PCOLCE2: variants seen among roughly 807,000 people sequenced by gnomAD.
The protein encoded by PCOLCE2 is procollagen C-endopeptidase enhancer 2.
A neutral mutation model predicts 47.0 loss-of-function variants in PCOLCE2; 42 were observed. That is an observed-to-expected ratio of 0.89 (90% CI 0.70 to 1.16). PCOLCE2 has a LOEUF of 1.16. Among genes scored for constraint, PCOLCE2 ranks in the 50% most tolerant of loss-of-function variants. The pLI is 0.00. For missense variants in PCOLCE2, 500 were observed against 526.1 expected (o/e 0.95, Z 0.49); for synonymous variants, 169 against 191.7 (o/e 0.88, Z 0.98).
At chr3:142,860,295 C>T (rs190212826) in intron 2 of PCOLCE2, among the ~76,000 whole-genome samples, 12 of 152,260 alleles carry the variant, frequency 7.9e-5, no homozygotes, top group Admixed American at 5.9e-4. Flanking sequence ...GTTATTCCCC[C>T]TATTCCTCTG....
chr3:142,836,536 C>T (rs1460690637), intron 5 of PCOLCE2, among the ~76,000 whole-genome samples: 2 of 152,164 alleles, frequency 1.3e-5, no homozygotes, highest in African/African-American at 2.4e-5. Flanking sequence ...CTCAGCGATG[C>T]TTTCAAAATT....
intron 3 of PCOLCE2, chr3:142,846,514 G>C (rs1937330053): frequency 6.6e-6 from 1 of 152,190 alleles, no homozygotes; most frequent in South Asian, 2.1e-4. Flanking sequence ...TTGACTCTGT[G>C]AGTTGATATT....
At chr3:142,829,874 T>A in intron 5 of PCOLCE2, 28 bp from the exon 6 acceptor site, 3 of 1,387,840 alleles carry the variant, frequency 2.2e-6, no homozygotes, top group Non-Finnish European at 3.0e-6. Context: ...TGTTTTTTTA[T>A]AAATACTTAA....
chr3:142,845,721 C>T (rs1292940182), intron 3 of PCOLCE2, among the ~76,000 whole-genome samples: 1 of 152,158 alleles, frequency 6.6e-6, no homozygotes, highest in Non-Finnish European at 1.5e-5. Flanking sequence ...CACCTGTAAT[C>T]CTAACACTTT....
intron 2 of PCOLCE2, among the ~76,000 whole-genome samples, chr3:142,863,096 C>CAAAA (rs35383176): frequency 1.9e-4 from 16 of 85,968 alleles, no homozygotes; most frequent in South Asian, 9.0e-4. Flanking sequence ...GTCTGGCAGG[C>CAAAA]AAAAAAAAAA....
intron 2 of PCOLCE2, 180 bp downstream of exon 2, chr3:142,887,489 G>A (rs183450285): frequency 4.2e-4 from 235 of 562,934 alleles, no homozygotes; most frequent in African/African-American, 4.0e-3. Flanking sequence ...CACTAATGCA[G>A]GACACGACTA....
chr3:142,828,593 T>C, intron 6 of PCOLCE2, among the ~76,000 whole-genome samples: 1 of 152,094 alleles, frequency 6.6e-6, no homozygotes, highest in East Asian at 1.9e-4. Context: ...TGGACGTGCT[T>C]GGGAAAATAG....
At chr3:142,850,797 A>G (rs2108198678) in intron 2 of PCOLCE2, among the ~76,000 whole-genome samples, 1 of 104,176 alleles carries the variant, frequency 9.6e-6, no homozygotes, top group South Asian at 2.6e-4. Context: ...AGATGAACAG[A>G]ATAATATGGG....
chr3:142,843,957 GAAT>G (rs746386651), intron 3 of PCOLCE2, among the ~76,000 whole-genome samples: 12 of 151,992 alleles, frequency 7.9e-5, no homozygotes, highest in Non-Finnish European at 1.5e-4. Context: ...AAAGTAAGTA[GAAT>G]AATATAATGA....
At chr3:142,875,327 G>A (rs565956815) in intron 2 of PCOLCE2, among the ~76,000 whole-genome samples, 3 of 152,262 alleles carry the variant, frequency 2.0e-5, no homozygotes, top group Non-Finnish European at 4.4e-5. Context: ...AACTCCAGGC[G>A]ACATCTACAT....
chr3:142,855,008 C>G (rs1232702313), intron 2 of PCOLCE2, among the ~76,000 whole-genome samples: 2 of 152,218 alleles, frequency 1.3e-5, no homozygotes, highest in Non-Finnish European at 2.9e-5. Flanking sequence ...GTTCAAGGAG[C>G]CCTCCGAGCT....
At chr3:142,835,774 T>G (rs1161510943) in intron 5 of PCOLCE2, among the ~76,000 whole-genome samples, 1 of 152,124 alleles carries the variant, frequency 6.6e-6, no homozygotes, top group Admixed American at 6.6e-5. Flanking sequence ...CCTGAGTAGC[T>G]GGGACTACAG....
At chr3:142,832,256 T>C (rs10513171) in intron 5 of PCOLCE2, among the ~76,000 whole-genome samples, 4,101 of 152,246 alleles carry the variant, frequency 0.027, 86 homozygotes, top group Non-Finnish European at 0.041. Context: ...TGCAACAGTC[T>C]CTGAACTAGG....
chr3:142,856,891 G>A lies in PCOLCE2; in HGVS notation c.193-8419C>T, dbSNP rs1332281050. Among the ~76,000 whole-genome samples, 6 of 145,966 alleles carry A rather than the reference G, an allele frequency of 4.1e-5. No homozygotes were observed. In the East Asian group the frequency reaches 9.9e-4, roughly 24 times the overall value. ...CTACTCAGTTTTTCTCTAAACAGGA[G>A]CTTTTTTTTTTTTTTTTAGCCATTT... On this transcript the variant is annotated intron_variant, in intron 2 of 8. Coordinates refer to ENST00000295992, the MANE Select transcript of PCOLCE2 (RefSeq NM_013363.4).
intron 2 of PCOLCE2, chr3:142,863,977 T>C (rs1933231240): frequency 6.6e-6 from 1 of 151,570 alleles, no homozygotes; most frequent in Non-Finnish European, 1.5e-5. Flanking sequence ...AATTAAATGT[T>C]CTGTGACGAC....
At chr3:142,852,076 C>T (rs1932950718) in intron 2 of PCOLCE2, among the ~76,000 whole-genome samples, 1 of 152,362 alleles carries the variant, frequency 6.6e-6, no homozygotes, top group South Asian at 2.1e-4. Context: ...GACAAAGCTT[C>T]TTTTGAAAGA....
At chr3:142,885,315 G>T (rs1933699568) in intron 2 of PCOLCE2, among the ~76,000 whole-genome samples, 1 of 152,184 alleles carries the variant, frequency 6.6e-6, no homozygotes, top group African/African-American at 2.4e-5. Context: ...CCAGCTACAG[G>T]AACTACAGTT....
At chr3:142,839,184 A>G (rs185606708) in intron 4 of PCOLCE2, among the ~76,000 whole-genome samples, 14 of 152,354 alleles carry the variant, frequency 9.2e-5, no homozygotes, top group African/African-American at 3.4e-4. Context: ...TTACAGCTAC[A>G]AAAGTATGGG....
chr3:142,869,937 T>C (rs989979386), intron 2 of PCOLCE2, among the ~76,000 whole-genome samples: 1 of 152,172 alleles, frequency 6.6e-6, no homozygotes, highest in Admixed American at 6.5e-5. Flanking sequence ...TCAGAATAAA[T>C]CTCTTCAAAT....
Sources: allele counts gnomAD v4.1 joint callset (sites outside exome capture counted in the v4.1 genomes callset), GRCh38; gene constraint gnomAD v4.1.1; transcripts MANE v1.5; gene names NCBI Gene and HGNC (gene_info 2026-07-23, HGNC 2026-07-21).